MYO18B: variants seen among roughly 807,000 people sequenced by gnomAD.
MYO18B encodes the protein unconventional myosin-XVIIIb.
MYO18B carries 204 observed loss-of-function variants against 273.0 expected under a neutral mutation model. That is an observed-to-expected ratio of 0.75 (90% CI 0.67 to 0.84). The LOEUF (loss-of-function observed/expected upper bound fraction) is 0.84, where lower values mean the gene tolerates loss of function less well. Ranked by LOEUF, MYO18B falls within the 40% of genes least tolerant of loss-of-function variation. MYO18B has a pLI of 0.00. For synonymous variants in MYO18B, 1,330 were observed against 1,305.7 expected (o/e 1.02, Z -0.40); for missense variants, 3,212 against 3,287.6 (o/e 0.98, Z 0.56).
At chr22:25,986,472 A>G (rs927007851) in intron 39 of MYO18B, among the ~76,000 whole-genome samples, 2 of 152,158 alleles carry the variant, frequency 1.3e-5, no homozygotes, top group East Asian at 1.9e-4. Flanking sequence ...CTCACTTTTT[A>G]TGTTTCTATA....
chr22:26,039,513 C>G, the MYO18B span, among the ~76,000 whole-genome samples: 8 of 152,174 alleles, frequency 5.3e-5, no homozygotes, highest in Admixed American at 4.6e-4. Flanking sequence ...TTGCCCTCCT[C>G]CCTCCAGATG....
At chr22:26,059,993 C>T in the MYO18B span, among the ~76,000 whole-genome samples, 1 of 152,290 alleles carries the variant, frequency 6.6e-6, no homozygotes, top group East Asian at 1.9e-4. Flanking sequence ...TCTGGGGAAA[C>T]AACTTTAAGC....
At position 25,883,944 on chromosome 22, in the gene MYO18B, G is replaced by A. The variant is rs1569149535; in HGVS notation, c.4314+5896G>A. ...TTTTTTATTTTCATAAGAAGGCAGT[G>A]CTGGCCTTCTTGTTGGAAGCACCTG... On this transcript the variant is annotated intron_variant, in intron 25 of 43. Transcript: ENST00000335473. The surrounding 1 kb of genome is among the most constrained non-coding windows in gnomAD (Gnocchi z 7.6). Among the ~76,000 whole-genome samples the A allele has an allele frequency of 6.6e-6, 1 of 152,120 alleles. No individual in the cohort carries two copies. Among genetic ancestry groups the A allele is most frequent in the Non-Finnish European group, 1.5e-5 (1 of 68,020 alleles).
the MYO18B span, among the ~76,000 whole-genome samples, chr22:26,057,516 CAA>C: frequency 6.9e-6 from 1 of 144,976 alleles, no homozygotes; most frequent in African/African-American, 2.7e-5. Flanking sequence ...TATCTGACTG[CAA>C]AGTCACTTTT....
intron 18 of MYO18B, 60 bp from the exon 19 acceptor site, chr22:25,846,040 G>T (rs2090231831): frequency 4.9e-6 from 7 of 1,419,434 alleles, no homozygotes; most frequent in Non-Finnish European, 6.4e-6. Flanking sequence ...CCACCACCCA[G>T]GCCAAGGCTT....
intron 1 of MYO18B, among the ~76,000 whole-genome samples, chr22:25,742,801 G>A (rs2085666395): frequency 6.6e-6 from 1 of 152,222 alleles, no homozygotes. Context: ...GCATGTATGA[G>A]TGTTGGGGGA....
intron 21 of MYO18B, among the ~76,000 whole-genome samples, chr22:25,866,523 A>G (rs1024768629): frequency 2.0e-5 from 3 of 151,994 alleles, no homozygotes; most frequent in Non-Finnish European, 2.9e-5. Flanking sequence ...CATCATATCT[A>G]TTGGGCTCCT....
chr22:25,975,870 G>A (rs949627320), intron 39 of MYO18B, among the ~76,000 whole-genome samples: 1 of 152,164 alleles, frequency 6.6e-6, no homozygotes, highest in Non-Finnish European at 1.5e-5. Flanking sequence ...CTTTATGCCA[G>A]GGCCCCCAAA....
chr22:26,036,427 G>C, the MYO18B span, among the ~76,000 whole-genome samples: 3 of 152,184 alleles, frequency 2.0e-5, no homozygotes, highest in African/African-American at 7.2e-5. Flanking sequence ...CTAAGAGACA[G>C]TGGTTGGGAT....
At chr22:25,934,702 G>A (rs144802461) in intron 34 of MYO18B, among the ~76,000 whole-genome samples, 1 of 152,152 alleles carries the variant, frequency 6.6e-6, no homozygotes, top group African/African-American at 2.4e-5. Flanking sequence ...TCACAGGTAG[G>A]TGAGAGAAAA....
At chr22:25,979,078 AG>A (rs1173790544) in intron 39 of MYO18B, among the ~76,000 whole-genome samples, 1 of 152,248 alleles carries the variant, frequency 6.6e-6, no homozygotes, top group Non-Finnish European at 1.5e-5. Context: ...GAAGGGATCC[AG>A]GGTAAGCTAT....
chr22:26,026,746 C>T lies in MYO18B; in HGVS notation c.6772C>T (p.Arg2258Trp), dbSNP rs368571524. ...AALSEFVEGLRRKRAQRGQGS... is the reference protein window; with the variant it reads ...AALSEFVEGLWRKRAQRGQGS... ...CCTCTCGGAGTTCGTGGAAGGGCTC[C>T]GGAGGAAGAGAGCCCAGAGAGGCCA... The change falls in exon 43 of 44, where the codon CGG becomes TGG. Residue 2258 changes from arginine to tryptophan, a missense_variant. Arg to Trp is a moderately radical substitution (Grantham distance 101). Coordinates refer to ENST00000335473, the MANE Select transcript of MYO18B (RefSeq NM_032608.7). 6.3e-5 allele frequency: 102 copies of T among 1,612,832 alleles called. No individual in the cohort carries two copies. Among genetic ancestry groups the T allele is most frequent in the Middle Eastern group, 1.7e-4 (1 of 6,060 alleles).
chr22:25,941,360 A>C (rs1024620270), intron 34 of MYO18B, among the ~76,000 whole-genome samples: 6 of 152,170 alleles, frequency 3.9e-5, no homozygotes, highest in Non-Finnish European at 7.4e-5. Flanking sequence ...ACTGGCCACA[A>C]GGGTTGGAGA....
Position 25,960,558 on chromosome 22 carries a change from T to C in MYO18B, c.6156+5194T>C, listed in dbSNP as rs895407780. The stretch of plus-strand genomic sequence containing the variant: ...GGTCTTGAAAAACTTGCATGGTGCT[T>C]CTGCTCACTCTTCCTGCATCCACCT... On this transcript the variant is annotated intron_variant, in intron 39 of 43. Transcript: ENST00000335473. Among the ~76,000 whole-genome samples, 3 of 152,314 alleles carry C rather than the reference T, an allele frequency of 2.0e-5. No individual in the cohort carries two copies. The South Asian group carries it at 6.2e-4, about 32-fold the overall frequency.
chr22:26,057,262 G>T, the MYO18B span, among the ~76,000 whole-genome samples: 1 of 151,990 alleles, frequency 6.6e-6, no homozygotes, highest in Admixed American at 6.6e-5. Context: ...TCTATATAAC[G>T]AATGATCACT....
rs77809149 is a variant in MYO18B at position 25,831,994 on chromosome 22, A to C, written c.2980-923A>C. Among the ~76,000 whole-genome samples, 850 of 152,358 alleles carry C rather than the reference A, an allele frequency of 5.6e-3. 11 individuals are homozygous for C. Among genetic ancestry groups the C allele is most frequent in the African/African-American group, 0.02 (820 of 41,586 alleles). On this transcript the variant is annotated intron_variant, in intron 15 of 43. Coordinates refer to ENST00000335473, the MANE Select transcript of MYO18B (RefSeq NM_032608.7). ...TTTCTCCAGAGATTTACAAAAGCACACAAAAAGAAGCTCACCATCACAAAT... is the reference window on the plus strand; with the variant it reads ...TTTCTCCAGAGATTTACAAAAGCACCCAAAAAGAAGCTCACCATCACAAAT...
At chr22:26,054,177 C>G in the MYO18B span, among the ~76,000 whole-genome samples, 1 of 152,168 alleles carries the variant, frequency 6.6e-6, no homozygotes, top group Admixed American at 6.5e-5. Context: ...CAAGGAGTCC[C>G]AGGACCATGA....
chr22:26,020,043 G>A (rs150392197), intron 42 of MYO18B, among the ~76,000 whole-genome samples: 3 of 152,218 alleles, frequency 2.0e-5, no homozygotes, highest in African/African-American at 7.2e-5. Flanking sequence ...GAAGAAGAAT[G>A]GGATTCAGAT....
At chr22:25,912,345 C>G (rs568841183) in intron 33 of MYO18B, among the ~76,000 whole-genome samples, 1 of 152,190 alleles carries the variant, frequency 6.6e-6, no homozygotes, top group East Asian at 1.9e-4. Context: ...CAGCCCAGTA[C>G]CAGATTCTAG....
Sources: gnomAD v4.1 joint callset for allele counts (sites outside exome capture counted in the v4.1 genomes callset) on GRCh38, gnomAD v4.1.1 for gene constraint, Gnocchi (gnomAD v3.1) non-coding constraint, MANE v1.5 for transcripts, NCBI Gene and HGNC (gene_info 2026-07-23, HGNC 2026-07-21) for gene names.